TVP23A: variants seen among roughly 807,000 people sequenced by gnomAD.
TVP23A encodes trans-golgi network vesicle protein 23 homolog A, also known as Golgi apparatus membrane protein TVP23 homolog A.
In TVP23A, 21 loss-of-function variants were observed where a neutral mutation model predicts 31.7. That is an observed-to-expected ratio of 0.66 (90% CI 0.47 to 0.95). TVP23A has a LOEUF of 0.95. Among genes scored for constraint, TVP23A ranks in the 40% least tolerant of loss-of-function variants. The pLI, the probability that TVP23A is intolerant of heterozygous loss-of-function variation, is 0.00. For synonymous variants in TVP23A, 104 were observed against 96.0 expected, an observed-to-expected ratio of 1.08 and a Z score of -0.49; for missense variants, 279 against 255.6, an observed-to-expected ratio of 1.09 and a Z score of -0.62.
rs564086218 is a variant in TVP23A at position 10,775,437 on chromosome 16, G to A, written c.90-341C>T. ...TGCCTTCCCGCCTAGCAGAGATGACGGCCAGTTCCCTAAAGGTAAAGGTTG... is the reference window on the plus strand; with the variant it reads ...TGCCTTCCCGCCTAGCAGAGATGACAGCCAGTTCCCTAAAGGTAAAGGTTG... On this transcript the variant is annotated intron_variant, in intron 2 of 7. Coordinates refer to ENST00000299866, the MANE Select transcript of TVP23A (RefSeq NM_001079512.4). 13 of 1,085,930 alleles carry A rather than the reference G, an allele frequency of 1.2e-5. No individual in the cohort carries two copies. The East Asian group carries it at 2.0e-4, about 17-fold the overall frequency. The allele number at this position is 1,085,930 out of a possible 1,614,324, so 67.3% of individuals were successfully genotyped here.
chr16:10,761,210 T>C, downstream of TVP23A: 1 of 593,032 alleles, frequency 1.7e-6, no homozygotes, highest in Non-Finnish European at 3.0e-6. Flanking sequence ...GAGCTGAGAT[T>C]TGGATGGGGA....
chr16:10,769,557 C>T (rs11644019), intron 7 of TVP23A: 30,262 of 157,806 alleles, frequency 0.19, 3,134 homozygotes, highest in South Asian at 0.32. Flanking sequence ...ACAGTCCAAA[C>T]GCTTTTCTTC....
In TVP23A at chr16:10,779,168, A is replaced by T. The variant is rs371742599; in HGVS notation, c.90-4072T>A. On this transcript the variant is annotated intron_variant, in intron 2 of 7. Coordinates refer to ENST00000299866, the MANE Select transcript of TVP23A (RefSeq NM_001079512.4). The surrounding 1 kb of genome is among the most constrained non-coding windows in gnomAD (Gnocchi z 4.9). ...ACTTAGCTGGGCCCTGATTAACTCAATGGAAAGTGGTGTTACTCAAACAGA... is the reference window on the plus strand; with the variant it reads ...ACTTAGCTGGGCCCTGATTAACTCATTGGAAAGTGGTGTTACTCAAACAGA... Among the ~76,000 whole-genome samples the T allele has an allele frequency of 1.2e-4, 18 of 152,254 alleles. No individual in the cohort carries two copies. Among genetic ancestry groups the T allele is most frequent in the African/African-American group, 3.4e-4 (14 of 41,542 alleles).
At chr16:10,776,368 C>A (rs1260801603) in intron 2 of TVP23A, among the ~76,000 whole-genome samples, 2 of 151,416 alleles carry the variant, frequency 1.3e-5, no homozygotes, top group Non-Finnish European at 2.9e-5. Context: ...AAGTCAGACT[C>A]CAACTCAAAA....
intron 2 of TVP23A, among the ~76,000 whole-genome samples, chr16:10,808,965 G>C (rs2034070131): frequency 6.6e-6 from 1 of 152,172 alleles, no homozygotes; most frequent in African/African-American, 2.4e-5. Flanking sequence ...ACAGTGCCTT[G>C]AAAGCATAAC....
intron 2 of TVP23A, among the ~76,000 whole-genome samples, chr16:10,783,249 G>A (rs1260753997): frequency 6.6e-6 from 1 of 152,192 alleles, no homozygotes; most frequent in African/African-American, 2.4e-5. Flanking sequence ...CATTTTACAT[G>A]TGATACAATC....
chr16:10,759,868 G>A (rs1209352595), downstream of TVP23A, among the ~76,000 whole-genome samples: 3 of 152,338 alleles, frequency 2.0e-5, no homozygotes, highest in East Asian at 3.9e-4. This position sits in a 1 kb window ranked among gnomAD's most constrained non-coding sequence, Gnocchi z 4.7. Context: ...TCAGTGTCAA[G>A]AGCCAAACAG....
chr16:10,785,437 G>A (rs1827350072), intron 2 of TVP23A, among the ~76,000 whole-genome samples: 1 of 152,168 alleles, frequency 6.6e-6, no homozygotes, highest in Admixed American at 6.5e-5. Context: ...ATAAAAGTGG[G>A]TGGACATAGG....
At chr16:10,771,436 G>C (rs1419750198) in intron 6 of TVP23A, among the ~76,000 whole-genome samples, 1 of 152,168 alleles carries the variant, frequency 6.6e-6, no homozygotes, top group African/African-American at 2.4e-5. Context: ...GCCAGAGGCT[G>C]AGGTGGGAGG....
At chr16:10,774,890 C>G in intron 3 of TVP23A, 62 bp downstream of exon 3, 1 of 1,482,998 alleles carries the variant, frequency 6.7e-7, no homozygotes, top group African/African-American at 1.4e-5. Flanking sequence ...CTCTTGGTAC[C>G]ACGCACACAG....
intron 2 of TVP23A, among the ~76,000 whole-genome samples, chr16:10,797,732 C>T (rs2033466892): frequency 6.6e-6 from 1 of 151,606 alleles, no homozygotes; most frequent in Non-Finnish European, 1.5e-5. Flanking sequence ...AAAAAAAAAT[C>T]ATTTTTGTCT....
intron 2 of TVP23A, among the ~76,000 whole-genome samples, chr16:10,781,977 T>C (rs1242209097): frequency 6.9e-6 from 1 of 144,878 alleles, no homozygotes; most frequent in Non-Finnish European, 1.5e-5. Flanking sequence ...TTATCCTGCC[T>C]CAACCTCCTG....
chr16:10,792,706 G>C (rs528301086), intron 2 of TVP23A, among the ~76,000 whole-genome samples: 1 of 152,364 alleles, frequency 6.6e-6, no homozygotes, highest in Non-Finnish European at 1.5e-5. Flanking sequence ...GGGCTGATCT[G>C]ATTTTTCTTT....
rs1171556016 is a variant in TVP23A, at chr16:10,774,097, C to T, written c.266G>A (p.Arg89Gln). The change falls in exon 4 of 8, where the codon CGA becomes CAA. Residue 89 changes from arginine to glutamine, a missense_variant. By Grantham distance (43) the Arg-to-Gln change is conservative. Transcript: ENST00000299866. ...NVTGRLLVGLRWWNQIDEDGK... is the reference protein window; with the variant it reads ...NVTGRLLVGLQWWNQIDEDGK... ...ATCTTCATCTATCTGGTTCCACCAT[C>T]GAAGGCCCACCAGGAGTCTTCCGGT... The T allele has an allele frequency of 4.3e-6, 7 of 1,611,388 alleles. No homozygotes were observed. Among genetic ancestry groups the T allele is most frequent in the Middle Eastern group, 1.7e-4 (1 of 6,058 alleles).
chr16:10,780,371 T>C (rs1390486779), intron 2 of TVP23A, among the ~76,000 whole-genome samples: 2 of 152,150 alleles, frequency 1.3e-5, no homozygotes, highest in African/African-American at 4.8e-5. Flanking sequence ...TCATCCTAAA[T>C]GGGTCCTTTG....
chr16:10,796,241 G>C (rs1351762663), intron 2 of TVP23A, among the ~76,000 whole-genome samples: 6 of 151,904 alleles, frequency 3.9e-5, no homozygotes, highest in Non-Finnish European at 7.4e-5. Flanking sequence ...TTGGGAGGCT[G>C]AGGTGAGAGC....
chr16:10,769,169 C>A, intron 7 of TVP23A, 68 bp from the exon 8 acceptor site: 1 of 1,458,798 alleles, frequency 6.9e-7, no homozygotes, highest in Non-Finnish European at 9.6e-7. Context: ...GCACATCCAG[C>A]CAGACCCGAC....
At chr16:10,761,487 G>A in exon 9 of TVP23A, 5 of 1,603,942 alleles carry the variant, frequency 3.1e-6, no homozygotes, top group Non-Finnish European at 3.4e-6. Flanking sequence ...GAGGGCGCGT[G>A]GGGCTGCCAG....
In TVP23A at chr16:10,775,094, T is replaced by A; in HGVS notation, c.92A>T (p.His31Leu). The change falls in exon 3 of 8, where the codon CAC becomes CTC. Residue 31 changes from histidine to leucine, a missense_variant and splice_region_variant. Coordinates refer to ENST00000299866, the MANE Select transcript of TVP23A (RefSeq NM_001079512.4). ...CAGGTGGAAAAAGGTGGCCAAGGGG[T>A]GTCTAGGAAAGGACCCAGAAGGCGC... ...ELAFRKAKIR[H>L]PLATFFHLFF... The A allele has an allele frequency of 6.2e-7, 1 of 1,606,756 alleles. No individual in the cohort carries two copies. Among genetic ancestry groups the A allele is most frequent in the Non-Finnish European group, 8.5e-7 (1 of 1,176,802 alleles).
Sources: gnomAD v4.1 joint callset for allele counts (sites outside exome capture counted in the v4.1 genomes callset) on GRCh38, gnomAD v4.1.1 for gene constraint, Gnocchi (gnomAD v3.1) non-coding constraint, MANE v1.5 for transcripts, NCBI Gene and HGNC (gene_info 2026-07-23, HGNC 2026-07-21) for gene names.